GLRA3: variants seen among roughly 807,000 people sequenced by gnomAD.
The protein encoded by GLRA3 is glycine receptor alpha 3.
GLRA3 carries 44 observed loss-of-function variants against 60.4 expected under a neutral mutation model. The observed-to-expected ratio is 0.73, with a 90% CI of 0.57 to 0.94. The LOEUF (loss-of-function observed/expected upper bound fraction) is 0.94, where lower values mean the gene tolerates loss of function less well. Ranked by LOEUF, GLRA3 falls within the 40% of genes least tolerant of loss-of-function variation. The pLI is 0.00. For missense variants in GLRA3, 508 were observed against 564.6 expected, an observed-to-expected ratio of 0.90 and a Z score of 1.02; for synonymous variants, 223 against 192.9, an observed-to-expected ratio of 1.16 and a Z score of -1.29.
Position 174,694,826 on chromosome 4 carries a change from AG to A in GLRA3, c.575-11888del, listed in dbSNP as rs148106030. Reference sequence around the variant, plus strand: ...AAACATTAATAAAACATAGGCCACTAGCTAGACTAATAAAGCAGAAAAGAGA... The same window carrying A: ...AAACATTAATAAAACATAGGCCACTACTAGACTAATAAAGCAGAAAAGAGA... On this transcript the variant is annotated intron_variant, in intron 5 of 9. Coordinates refer to ENST00000274093, the MANE Select transcript of GLRA3 (RefSeq NM_006529.4). Among the ~76,000 whole-genome samples the A allele has an allele frequency of 7.2e-3, 1,089 of 152,212 alleles. 13 individuals are homozygous for A. The highest frequency in any genetic ancestry group is 0.025 in the African/African-American group (1,038 of 41,562).
At chr4:174,764,173 T>C (rs1269740848) in intron 3 of GLRA3, among the ~76,000 whole-genome samples, 2 of 152,086 alleles carry the variant, frequency 1.3e-5, no homozygotes, top group East Asian at 1.9e-4. Context: ...AAATACATTG[T>C]TTGAATTAAC....
chr4:174,679,535 C>T (rs1195761586), intron 6 of GLRA3, among the ~76,000 whole-genome samples: 1 of 151,942 alleles, frequency 6.6e-6, no homozygotes, highest in Admixed American at 6.6e-5. Context: ...ATATGGACTA[C>T]GGGGTATATA....
chr4:174,746,451 T>A (rs934892491), intron 3 of GLRA3, among the ~76,000 whole-genome samples: 2 of 152,084 alleles, frequency 1.3e-5, no homozygotes, highest in African/African-American at 4.8e-5. Flanking sequence ...AACTCATCAC[T>A]TCACGGACAT....
intron 7 of GLRA3, among the ~76,000 whole-genome samples, chr4:174,666,759 T>TAA (rs869235454): frequency 1.1e-4 from 6 of 53,404 alleles, no homozygotes; most frequent in East Asian, 1.6e-3. Context: ...TATATATATA[T>TAA]TATATATATA....
At chr4:174,652,853 G>GA (rs967834865) in intron 9 of GLRA3, among the ~76,000 whole-genome samples, 2 of 152,004 alleles carry the variant, frequency 1.3e-5, no homozygotes, top group Non-Finnish European at 2.9e-5. Context: ...AAATTGACCA[G>GA]AAAAAAGAAA....
intron 1 of GLRA3, among the ~76,000 whole-genome samples, chr4:174,797,789 G>A (rs1739629492): frequency 1.3e-5 from 2 of 151,932 alleles, no homozygotes; most frequent in African/African-American, 4.8e-5. Context: ...AAAATTAGCT[G>A]AAGAGATAGC....
rs139398137 is a variant in GLRA3, at chr4:174,809,749, A to G, written c.71+18992T>C. ...CTGTGTCTCAAAATTAATTAATTAA[A>G]AAATAAAATAAAAATGATTGCTTTT... On this transcript the variant is annotated intron_variant, in intron 1 of 9. Transcript: ENST00000274093. 4.0e-3 allele frequency among the ~76,000 whole-genome samples: 609 copies of G among 152,296 alleles called. 7 individuals are homozygous for G. Among genetic ancestry groups the G allele is most frequent in the African/African-American group, 0.014 (580 of 41,558 alleles).
At chr4:174,779,161 C>T (rs1217941350) in intron 2 of GLRA3, among the ~76,000 whole-genome samples, 2 of 152,180 alleles carry the variant, frequency 1.3e-5, no homozygotes, top group African/African-American at 2.4e-5. Flanking sequence ...GGGTCCCTGA[C>T]CCCCAAGCAG....
intron 1 of GLRA3, among the ~76,000 whole-genome samples, chr4:174,792,642 T>A (rs1057421975): frequency 6.6e-6 from 1 of 152,234 alleles, no homozygotes; most frequent in Non-Finnish European, 1.5e-5. Context: ...GTTAAGTATA[T>A]TGTGTGCCCA....
intron 1 of GLRA3, among the ~76,000 whole-genome samples, chr4:174,807,878 T>C (rs1016213318): frequency 1.6e-4 from 24 of 152,042 alleles, no homozygotes; most frequent in Non-Finnish European, 2.8e-4. Flanking sequence ...CCTGGAAAAA[T>C]CTTTGAGAAA....
intron 4 of GLRA3, among the ~76,000 whole-genome samples, chr4:174,718,814 C>T (rs577626931): frequency 6.6e-6 from 1 of 152,220 alleles, no homozygotes; most frequent in East Asian, 1.9e-4. Flanking sequence ...TTACTCCGTA[C>T]TACAAATTTA....
At chr4:174,780,387 AG>A (rs1738816432) in intron 2 of GLRA3, among the ~76,000 whole-genome samples, 1 of 151,960 alleles carries the variant, frequency 6.6e-6, no homozygotes. Context: ...CATCGAGACT[AG>A]GAAGAAACTG....
chr4:174,655,159 T>G (rs1278349208), intron 9 of GLRA3, among the ~76,000 whole-genome samples: 2 of 152,092 alleles, frequency 1.3e-5, no homozygotes, highest in African/African-American at 4.8e-5. Context: ...CTCATGACAA[T>G]AAAGGGCATA....
chr4:174,797,732 G>A lies in GLRA3; in HGVS notation c.72-8789C>T, dbSNP rs538121774. ...AGGATGACTGAGTCCAGGAGTTTGA[G>A]ACCAGCCTGAGCAACATAGCAAGAC... On this transcript the variant is annotated intron_variant, in intron 1 of 9. Transcript: ENST00000274093. Among the ~76,000 whole-genome samples, 7 of 152,084 alleles carry A rather than the reference G, an allele frequency of 4.6e-5. No individual in the cohort carries two copies. The East Asian group carries it at 7.7e-4, about 17-fold the overall frequency.
chr4:174,749,785 G>T (rs1737396387), intron 3 of GLRA3, among the ~76,000 whole-genome samples: 1 of 151,938 alleles, frequency 6.6e-6, no homozygotes, highest in Non-Finnish European at 1.5e-5. Context: ...AAGATGGTAG[G>T]GCTGAAAACT....
intron 4 of GLRA3, among the ~76,000 whole-genome samples, chr4:174,717,198 C>G (rs1240195238): frequency 2.8e-5 from 3 of 106,962 alleles, no homozygotes; most frequent in Non-Finnish European, 5.3e-5. Context: ...GGTGACAGAG[C>G]AAGATCTTGT....
At chr4:174,825,095 A>C (rs1740911426) in intron 1 of GLRA3, among the ~76,000 whole-genome samples, 1 of 152,100 alleles carries the variant, frequency 6.6e-6, no homozygotes, top group Admixed American at 6.6e-5. Context: ...CTGGACTATG[A>C]TTCTTCTATA....
rs559689757 is a variant in GLRA3 at position 174,637,078 on chromosome 4, G to A, written c.*6708C>T. On this transcript the variant is annotated 3_prime_UTR_variant, in exon 10 of 10. Transcript: ENST00000274093. Reference sequence around the variant, plus strand: ...TAATGAAAAACAAGTTGATGAAATCGTGCATAAATTTTTAAATATGTTTTC... The same window carrying A: ...TAATGAAAAACAAGTTGATGAAATCATGCATAAATTTTTAAATATGTTTTC... 6.6e-6 allele frequency: 1 copy of A among 152,078 alleles called. No individual in the cohort carries two copies. Among genetic ancestry groups the A allele is most frequent in the East Asian group, 1.9e-4 (1 of 5,190 alleles). The allele number at this position is 152,078 out of a possible 1,614,324, so 9.4% of individuals were successfully genotyped here. A position where few individuals can be genotyped will look rare whatever the true frequency, so the allele number is the denominator to read the frequency against.
At chr4:174,717,178 C>CTA (rs1196542760) in intron 4 of GLRA3, among the ~76,000 whole-genome samples, 1 of 122,906 alleles carries the variant, frequency 8.1e-6, no homozygotes, top group Admixed American at 9.6e-5. Flanking sequence ...CACTGCTGAA[C>CTA]TATAGCCTGG....
Sources: gnomAD v4.1 joint callset for allele counts (sites outside exome capture counted in the v4.1 genomes callset) on GRCh38, gnomAD v4.1.1 for gene constraint, MANE v1.5 for transcripts, NCBI Gene and HGNC (gene_info 2026-07-23, HGNC 2026-07-21) for gene names.